SLC35D4: variants seen among roughly 807,000 people sequenced by gnomAD.
SLC35D4 encodes solute carrier family 35 member D4, also known as UDP-N-acetylglucosamine transporter SLC35D4.
chr18:23,381,386 C>T, the SLC35D4 span, among the ~76,000 whole-genome samples: 2 of 152,180 alleles, frequency 1.3e-5, no homozygotes, highest in Admixed American at 1.3e-4. Context: ...GTTGCTCAGG[C>T]TGAGGTGCAG....
chr18:23,328,737 C>T, the SLC35D4 span, among the ~76,000 whole-genome samples: 2 of 151,978 alleles, frequency 1.3e-5, no homozygotes, highest in Non-Finnish European at 1.5e-5. Flanking sequence ...AAAAAGAGCC[C>T]GCATTGCCAA....
chr18:23,255,054 T>C, the SLC35D4 span, among the ~76,000 whole-genome samples: 1 of 152,192 alleles, frequency 6.6e-6, no homozygotes, highest in African/African-American at 2.4e-5. Context: ...TGATGGGCTG[T>C]GGGGCCTAGG....
the SLC35D4 span, among the ~76,000 whole-genome samples, chr18:23,371,938 T>TTTTTTTTTTG: frequency 1.4e-4 from 3 of 21,374 alleles, no homozygotes; most frequent in Non-Finnish European, 2.7e-4. Flanking sequence ...TTTTTTTGTT[T>TTTTTTTTTTG]TTTTTTTTTT....
chr18:23,276,162 A>C, the SLC35D4 span, among the ~76,000 whole-genome samples: 40 of 150,764 alleles, frequency 2.7e-4, no homozygotes, highest in African/African-American at 9.3e-4. Flanking sequence ...ATCTCGGCTC[A>C]CTGCAAGCTC....
At chr18:23,321,571 C>T in the SLC35D4 span, among the ~76,000 whole-genome samples, 2 of 152,168 alleles carry the variant, frequency 1.3e-5, no homozygotes, top group African/African-American at 4.8e-5. Flanking sequence ...TTCTCCGTCT[C>T]AGCCTCCTGA....
chr18:23,399,560 A>C, the SLC35D4 span: 1 of 1,613,642 alleles, frequency 6.2e-7, no homozygotes, highest in Non-Finnish European at 8.5e-7. Context: ...AACCTCTAAT[A>C]CTTACCAGTC....
chr18:23,242,534 GT>G, the SLC35D4 span, among the ~76,000 whole-genome samples: 1 of 152,186 alleles, frequency 6.6e-6, no homozygotes, highest in African/African-American at 2.4e-5. Context: ...TCGGTAGTGG[GT>G]TTTTGTGTTT....
chr18:23,283,471 C>CAAAAAAAAAAAAAAAAAAAAAA, the SLC35D4 span, among the ~76,000 whole-genome samples: 3 of 44,420 alleles, frequency 6.8e-5, no homozygotes, highest in Non-Finnish European at 1.3e-4. Flanking sequence ...GACCCAGTCT[C>CAAAAAAAAAAAAAAAAAAAAAA]AAAAAAAAAA....
At chr18:23,248,716 T>G in the SLC35D4 span, among the ~76,000 whole-genome samples, 1 of 151,806 alleles carries the variant, frequency 6.6e-6, no homozygotes, top group Non-Finnish European at 1.5e-5. Context: ...TCCCAGCTAC[T>G]TGGGAGGCTG....
the SLC35D4 span, among the ~76,000 whole-genome samples, chr18:23,367,829 T>G: frequency 6.6e-6 from 1 of 151,728 alleles, no homozygotes; most frequent in Admixed American, 6.6e-5. Flanking sequence ...CAGTCATAAC[T>G]CACTGTAACC....
chr18:23,252,856 G>A, the SLC35D4 span: 16 of 705,610 alleles, frequency 2.3e-5, no homozygotes, highest in East Asian at 2.8e-4. Context: ...AAGTTTTCCC[G>A]TTGCTCATGG....
At chr18:23,371,937 T>TTTTTGTTTTTTG in the SLC35D4 span, among the ~76,000 whole-genome samples, 2 of 20,132 alleles carry the variant, frequency 9.9e-5, no homozygotes, top group African/African-American at 2.5e-4. Flanking sequence ...TTTTTTTTGT[T>TTTTTGTTTTTTG]TTTTTTTTTT....
chr18:23,370,964 T>C, the SLC35D4 span, among the ~76,000 whole-genome samples: 1 of 152,224 alleles, frequency 6.6e-6, no homozygotes, highest in African/African-American at 2.4e-5. Context: ...CATTTAATTT[T>C]AACCTTCACA....
chr18:23,411,290 G>C, the SLC35D4 span, among the ~76,000 whole-genome samples: 2 of 141,586 alleles, frequency 1.4e-5, no homozygotes, highest in Non-Finnish European at 3.1e-5. Context: ...AGAGAAGGGA[G>C]GGGAAAGGGA....
At chr18:23,275,155 TGTGCAGG>T in the SLC35D4 span, among the ~76,000 whole-genome samples, 3 of 152,000 alleles carry the variant, frequency 2.0e-5, no homozygotes, top group South Asian at 4.1e-4. Flanking sequence ...CGTGTGTGTG[TGTGCAGG>T]GTGCAGGGAG....
the SLC35D4 span, among the ~76,000 whole-genome samples, chr18:23,314,919 T>C: frequency 6.6e-6 from 1 of 152,248 alleles, no homozygotes; most frequent in African/African-American, 2.4e-5. Flanking sequence ...AACCTCTGTG[T>C]TATTTAAACA....
the SLC35D4 span, among the ~76,000 whole-genome samples, chr18:23,364,203 C>A: frequency 6.6e-6 from 1 of 152,174 alleles, no homozygotes. Context: ...CCTTAGAAAG[C>A]AGCCAATTCA....
the SLC35D4 span, among the ~76,000 whole-genome samples, chr18:23,345,180 C>T: frequency 6.6e-6 from 1 of 151,914 alleles, no homozygotes; most frequent in South Asian, 2.1e-4. Context: ...GCTCCAACAC[C>T]GTTTGTTGAA....
At chr18:23,362,645 TA>T in the SLC35D4 span, among the ~76,000 whole-genome samples, 22 of 151,854 alleles carry the variant, frequency 1.4e-4, no homozygotes, top group Non-Finnish European at 2.9e-4. Flanking sequence ...AGAAAGGCAA[TA>T]AAGTGTAGGA....
Sources: allele counts gnomAD v4.1 joint callset (sites outside exome capture counted in the v4.1 genomes callset), GRCh38; gene constraint gnomAD v4.1.1; transcripts MANE v1.5; gene names NCBI Gene and HGNC (gene_info 2026-07-23, HGNC 2026-07-21).